The following SMPX variants were observed in gnomAD, a reference collection of about 807,000 sequenced individuals.
The protein encoded by SMPX is small muscular protein.
SMPX carries 2 observed loss-of-function variants against 6.3 expected under a neutral mutation model. That is an observed-to-expected ratio of 0.32 (90% CI 0.13 to 0.99). The LOEUF (loss-of-function observed/expected upper bound fraction) is 0.99, where lower values mean the gene tolerates loss of function less well. Ranked by LOEUF, SMPX falls within the 50% of genes least tolerant of loss-of-function variation. The pLI, the probability that SMPX is intolerant of heterozygous loss-of-function variation, is 0.49. For synonymous variants in SMPX, 32 were observed against 24.7 expected (o/e 1.30, Z -0.88); for missense variants, 60 against 66.8 (o/e 0.90, Z 0.36).
Position 21,758,096 on chromosome X carries a change from C to T in SMPX, c.-167G>A, listed in dbSNP as rs1297435976. The T allele has an allele frequency of 9.2e-6, 3 of 327,780 alleles. No individual in the cohort carries two copies. Among genetic ancestry groups the T allele is most frequent in the African/African-American group, 8.0e-5 (3 of 37,580 alleles). 27.0% of individuals were successfully genotyped at this position (327,780 alleles called of 1,213,427 possible). A position where few individuals can be genotyped will look rare whatever the true frequency, so the allele number is the denominator to read the frequency against. The stretch of plus-strand genomic sequence containing the variant: ...ATGTGGCTGAAATAGCTCTGTGCCT[C>T]TCCCGGTATTGAGAACTGCTCCTGG... On this transcript the variant is annotated 5_prime_UTR_variant, in exon 1 of 5. Coordinates refer to ENST00000379494, the MANE Select transcript of SMPX (RefSeq NM_014332.3).
intron 4 of SMPX, among the ~76,000 whole-genome samples, chrX:21,711,119 C>A (rs2092778293): frequency 8.9e-6 from 1 of 111,990 alleles, no homozygotes; most frequent in South Asian, 3.7e-4. Flanking sequence ...GAGTCTCCAT[C>A]CTTGGCTTTG....
At chrX:21,741,300 T>TAGAG (rs2092815782) in intron 3 of SMPX, among the ~76,000 whole-genome samples, 1 of 112,272 alleles carries the variant, frequency 8.9e-6, no homozygotes, top group African/African-American at 3.2e-5. Context: ...TATGTTATGA[T>TAGAG]CTCTATACAG....
intron 4 of SMPX, among the ~76,000 whole-genome samples, chrX:21,715,259 GCT>G (rs1491521107): frequency 2.9e-4 from 25 of 84,983 alleles, no homozygotes; most frequent in African/African-American, 7.8e-4. Context: ...AACTCACTCT[GCT>G]CTGTGTGTGT....
chrX:21,747,870 A>G (rs1399518377), intron 2 of SMPX, among the ~76,000 whole-genome samples: 1 of 111,540 alleles, frequency 9.0e-6, no homozygotes, highest in Non-Finnish European at 1.9e-5. Context: ...AAAGGACCCC[A>G]GCAGCTCCTG....
At chrX:21,737,738 C>T (rs988048305) in intron 3 of SMPX, 41 bp from the exon 4 acceptor site, 1 of 1,183,343 alleles carries the variant, frequency 8.5e-7, no homozygotes, top group Admixed American at 2.2e-5. Flanking sequence ...CCAAAAATCA[C>T]ATTTGATCTC....
chrX:21,730,443 T>C (rs985470244), intron 4 of SMPX, among the ~76,000 whole-genome samples: 3 of 112,035 alleles, frequency 2.7e-5, no homozygotes, highest in Non-Finnish European at 5.6e-5. Context: ...ATAAGAAAAA[T>C]ATATAAGAAC....
intron 1 of SMPX, among the ~76,000 whole-genome samples, chrX:21,757,433 T>C (rs2092834166): frequency 1.8e-5 from 2 of 112,078 alleles, no homozygotes; most frequent in South Asian, 3.8e-4. Context: ...TTTAAAAAGA[T>C]GGTTCTATCA....
intron 4 of SMPX, among the ~76,000 whole-genome samples, chrX:21,731,797 T>G (rs1488887327): frequency 1.0e-5 from 1 of 96,130 alleles, no homozygotes; most frequent in Non-Finnish European, 2.1e-5. Flanking sequence ...TGTATATGTG[T>G]ATATGTACAC....
intron 2 of SMPX, among the ~76,000 whole-genome samples, chrX:21,749,427 C>A (rs1481164952): frequency 8.9e-6 from 1 of 111,819 alleles, no homozygotes; most frequent in African/African-American, 3.3e-5. Context: ...AAAAGGGAGG[C>A]ACGCAGCATC....
chrX:21,723,787 T>TA (rs767549807), intron 4 of SMPX, among the ~76,000 whole-genome samples: 1 of 111,076 alleles, frequency 9.0e-6, no homozygotes, highest in African/African-American at 3.3e-5. Flanking sequence ...GATCACATAG[T>TA]AAAAAAAGGG....
intron 4 of SMPX, among the ~76,000 whole-genome samples, chrX:21,712,190 A>G (rs1292169785): frequency 1.2e-4 from 13 of 112,294 alleles, no homozygotes; most frequent in African/African-American, 4.2e-4. Flanking sequence ...AATTAGGAAC[A>G]TTTTTTCCTA....
chrX:21,717,414 A>G (rs2092786413), intron 4 of SMPX, among the ~76,000 whole-genome samples: 1 of 112,293 alleles, frequency 8.9e-6, no homozygotes, highest in Admixed American at 9.4e-5. Context: ...TTCCTTTATA[A>G]ATTACCCAGT....
chrX:21,728,259 T>TCTCTCTCTCTCG (rs1350962759), intron 4 of SMPX, among the ~76,000 whole-genome samples: 1 of 90,297 alleles, frequency 1.1e-5, no homozygotes, highest in East Asian at 3.3e-4. Context: ...TCTCTCTCTC[T>TCTCTCTCTCTCG]CTCTCTCTCT....
chrX:21,731,849 TG>T (rs2092805466), intron 4 of SMPX, among the ~76,000 whole-genome samples: 1 of 107,074 alleles, frequency 9.3e-6, no homozygotes, highest in South Asian at 4.1e-4. Context: ...TATATATATA[TG>T]TTAGGTCTAG....
intron 4 of SMPX, among the ~76,000 whole-genome samples, chrX:21,720,454 A>G (rs189130174): frequency 1.1e-3 from 128 of 112,813 alleles, no homozygotes; most frequent in African/African-American, 3.9e-3. Context: ...CAGCTAAGCC[A>G]TGCTAAATTC....
intron 1 of SMPX, 23 bp downstream of exon 1, chrX:21,757,919 C>T (rs1285617097): frequency 1.2e-5 from 4 of 323,972 alleles, no homozygotes; most frequent in East Asian, 2.0e-4. Flanking sequence ...ACCCAGTCGC[C>T]GGAGCTGCGT....
intron 4 of SMPX, among the ~76,000 whole-genome samples, chrX:21,722,862 C>A (rs983977844): frequency 5.4e-5 from 6 of 111,619 alleles, no homozygotes; most frequent in African/African-American, 2.0e-4. Flanking sequence ...AAATGGAGCT[C>A]TTACGTGTAT....
At chrX:21,754,529 G>A (rs1479529121) in intron 1 of SMPX, among the ~76,000 whole-genome samples, 2 of 111,513 alleles carry the variant, frequency 1.8e-5, no homozygotes, top group Admixed American at 9.5e-5. Flanking sequence ...ATGGTGAGAC[G>A]CCTCGCCCCT....
chrX:21,737,437 G>C (rs2092811591), intron 4 of SMPX, 112 bp downstream of exon 4: 1 of 693,619 alleles, frequency 1.4e-6, no homozygotes, highest in Non-Finnish European at 2.2e-6. Context: ...TAAATTGAAG[G>C]CACCTGGTAT....
Sources: gnomAD v4.1 joint callset for allele counts (sites outside exome capture counted in the v4.1 genomes callset) on GRCh38, gnomAD v4.1.1 for gene constraint, MANE v1.5 for transcripts, NCBI Gene and HGNC (gene_info 2026-07-23, HGNC 2026-07-21) for gene names.